Variants in SNTB2 observed in about 807,000 individuals in gnomAD.
SNTB2 encodes the protein beta-2-syntrophin.
Under a neutral mutation model 46.2 loss-of-function variants are expected in SNTB2, and 34 were observed. That is an observed-to-expected ratio of 0.74 (90% CI 0.56 to 0.98). The LOEUF (loss-of-function observed/expected upper bound fraction) is 0.98, where lower values mean the gene tolerates loss of function less well. Among genes scored for constraint, SNTB2 ranks in the 50% least tolerant of loss-of-function variants. The probability of loss-of-function intolerance (pLI) is 0.00; values close to 1 mark genes in which losing one functional copy is unlikely to be tolerated. For synonymous variants in SNTB2, 290 were observed against 312.6 expected, an observed-to-expected ratio of 0.93 and a Z score of 0.76; for missense variants, 603 against 731.4, an observed-to-expected ratio of 0.82 and a Z score of 2.02.
intron 2 of SNTB2, among the ~76,000 whole-genome samples, chr16:69,246,971 C>T (rs1249040308): frequency 6.7e-6 from 1 of 149,120 alleles, no homozygotes; most frequent in South Asian, 2.1e-4. Context: ...GTGGGTGCAG[C>T]GCACCAGCAT....
At chr16:69,228,530 A>C (rs1374843281) in intron 1 of SNTB2, among the ~76,000 whole-genome samples, 1 of 150,838 alleles carries the variant, frequency 6.6e-6, no homozygotes, top group Non-Finnish European at 1.5e-5. Flanking sequence ...AAAAAAAAGA[A>C]TTTCATAAAT....
At chr16:69,248,926 A>G (rs1375102920) in intron 2 of SNTB2, among the ~76,000 whole-genome samples, 1 of 151,206 alleles carries the variant, frequency 6.6e-6, no homozygotes, top group African/African-American at 2.4e-5. Context: ...GAATGGAGAA[A>G]CGATGTGATA....
At chr16:69,196,093 G>A (rs549597727) in intron 1 of SNTB2, among the ~76,000 whole-genome samples, 114 of 152,222 alleles carry the variant, frequency 7.5e-4, no homozygotes, top group Admixed American at 7.5e-3. Flanking sequence ...TAAAAAATTA[G>A]CCAGGTGAGG....
chr16:69,277,886 A>G (rs908561848), intron 4 of SNTB2, among the ~76,000 whole-genome samples: 9 of 152,230 alleles, frequency 5.9e-5, no homozygotes, highest in African/African-American at 2.2e-4. Context: ...AAATAGGGAA[A>G]ATATAAAAAG....
intron 4 of SNTB2, among the ~76,000 whole-genome samples, chr16:69,275,030 C>T (rs561583569): frequency 6.6e-6 from 1 of 151,508 alleles, no homozygotes; most frequent in East Asian, 1.9e-4. Flanking sequence ...CTTTCCTTTT[C>T]CTTTCTTTTC....
Position 69,187,613 on chromosome 16 carries a change from G to A in SNTB2, c.447G>A (p.Leu149=). 1.3e-6 allele frequency: 2 copies of A among 1,557,638 alleles called. No individual in the cohort carries two copies. Among genetic ancestry groups the A allele is most frequent in the Non-Finnish European group, 1.7e-6 (2 of 1,156,656 alleles). Residue 149 remains leucine (L), a synonymous_variant, in exon 1 of 7, where the codon CTG becomes CTA. Transcript: ENST00000336278. ...TCATCTCCAAGATCTTCCCCGGGCT[G>A]GCTGCCGACCAGAGCCGGGCGCTGC... is the stretch of plus-strand genomic sequence containing the variant. ...PILISKIFPG[L]AADQSRALRL...
intron 1 of SNTB2, among the ~76,000 whole-genome samples, chr16:69,189,652 G>A (rs954935276): frequency 6.6e-6 from 1 of 152,152 alleles, no homozygotes; most frequent in Non-Finnish European, 1.5e-5. Context: ...CAGGGGAATC[G>A]TTTGAACCTC....
chr16:69,201,564 T>TA (rs1964161775), intron 1 of SNTB2, among the ~76,000 whole-genome samples: 1 of 152,170 alleles, frequency 6.6e-6, no homozygotes, highest in Admixed American at 6.6e-5. Flanking sequence ...TGAGGGTGGG[T>TA]AACGTTGCTA....
intron 2 of SNTB2, among the ~76,000 whole-genome samples, chr16:69,257,156 C>A (rs1435150701): frequency 7.0e-6 from 1 of 142,432 alleles, no homozygotes; most frequent in Admixed American, 7.3e-5. Context: ...GGGCGAAGAG[C>A]GAGACTCCAT....
At chr16:69,255,477 G>A (rs558243118) in intron 2 of SNTB2, among the ~76,000 whole-genome samples, 59 of 151,732 alleles carry the variant, frequency 3.9e-4, no homozygotes, top group African/African-American at 1.3e-3. Context: ...AAAGAATGGC[G>A]TGAACCTGGG....
chr16:69,269,226 T>A (rs1397339854), intron 3 of SNTB2, among the ~76,000 whole-genome samples: 1 of 149,936 alleles, frequency 6.7e-6, no homozygotes. Flanking sequence ...TTTTAAAAAA[T>A]ACGATAGATG....
intron 1 of SNTB2, among the ~76,000 whole-genome samples, chr16:69,214,870 G>T (rs1005775817): frequency 1.3e-5 from 2 of 150,638 alleles, no homozygotes; most frequent in South Asian, 4.2e-4. Context: ...TTGACATATG[G>T]TCTCGTTCTG....
At chr16:69,268,119 G>A (rs1222016940) in intron 3 of SNTB2, among the ~76,000 whole-genome samples, 3 of 152,130 alleles carry the variant, frequency 2.0e-5, no homozygotes, top group Non-Finnish European at 4.4e-5. Flanking sequence ...AGATAACTGA[G>A]CATTATACAA....
chr16:69,254,121 A>G (rs552592189), intron 2 of SNTB2, among the ~76,000 whole-genome samples: 1 of 152,276 alleles, frequency 6.6e-6, no homozygotes, highest in Admixed American at 6.5e-5. Context: ...AGCCTGATAT[A>G]CGATCTGAAA....
intron 1 of SNTB2, among the ~76,000 whole-genome samples, chr16:69,210,019 AT>A (rs137973730): frequency 0.027 from 3,327 of 122,072 alleles, 137 homozygotes; most frequent in African/African-American, 0.087. Flanking sequence ...TTGTTATTTA[AT>A]TTTTTTTTTT....
At chr16:69,218,684 G>A (rs147963449) in intron 1 of SNTB2, among the ~76,000 whole-genome samples, 3,512 of 152,224 alleles carry the variant, frequency 0.023, 138 homozygotes, top group African/African-American at 0.08. Context: ...GCCTCCCAAA[G>A]TGCTGGGATT....
At chr16:69,285,356 CTTTTTTTTTTT>C (rs199516210) in intron 5 of SNTB2, among the ~76,000 whole-genome samples, 2 of 131,824 alleles carry the variant, frequency 1.5e-5, no homozygotes, top group East Asian at 4.5e-4. Context: ...GTTCATCTCT[CTTTTTTTTTTT>C]TTTTTTTTAG....
At chr16:69,254,555 G>C (rs1003481027) in intron 2 of SNTB2, among the ~76,000 whole-genome samples, 2 of 152,136 alleles carry the variant, frequency 1.3e-5, no homozygotes, top group African/African-American at 4.8e-5. Context: ...GAAAAAACTT[G>C]ACAAGTTGAA....
chr16:69,280,584 G>C (rs1383347837), intron 4 of SNTB2, among the ~76,000 whole-genome samples: 1 of 148,240 alleles, frequency 6.7e-6, no homozygotes, highest in African/African-American at 2.5e-5. Context: ...TGGCCGGGCG[G>C]GGGGCTGAAC....
Sources: allele counts gnomAD v4.1 joint callset (sites outside exome capture counted in the v4.1 genomes callset), GRCh38; gene constraint gnomAD v4.1.1; transcripts MANE v1.5; gene names NCBI Gene and HGNC (gene_info 2026-07-23, HGNC 2026-07-21).